LTBP1: variants seen among roughly 807,000 people sequenced by gnomAD.
LTBP1 encodes the protein latent transforming growth factor beta binding protein 1, also known as latent-transforming growth factor beta-binding protein 1.
LTBP1 carries 129 observed loss-of-function variants against 207.6 expected under a neutral mutation model. That is an observed-to-expected ratio of 0.62 (90% CI 0.54 to 0.72). LTBP1 has a LOEUF of 0.72. LTBP1 is among the 30% of genes least tolerant of loss of function. LTBP1 has a pLI of 0.00. For synonymous variants in LTBP1, 963 were observed against 833.7 expected, an observed-to-expected ratio of 1.16 and a Z score of -2.67; for missense variants, 2,281 against 2,217.2, an observed-to-expected ratio of 1.03 and a Z score of -0.58.
At chr2:33,052,338 G>A (rs534938903) in intron 3 of LTBP1, among the ~76,000 whole-genome samples, 1 of 152,300 alleles carries the variant, frequency 6.6e-6, no homozygotes, top group South Asian at 2.1e-4. Flanking sequence ...TTTTAAAATG[G>A]TAAACCAATT....
intron 11 of LTBP1, among the ~76,000 whole-genome samples, chr2:33,256,124 G>A (rs545387135): frequency 6.6e-6 from 1 of 151,524 alleles, no homozygotes; most frequent in East Asian, 1.9e-4. Flanking sequence ...TCTGGCAATG[G>A]TAGTGATTGA....
chr2:33,296,841 T>C (rs1283564207), intron 20 of LTBP1, among the ~76,000 whole-genome samples: 1 of 152,178 alleles, frequency 6.6e-6, no homozygotes, highest in Non-Finnish European at 1.5e-5. Flanking sequence ...ACTTTTCTCA[T>C]CTGCAAATAA....
At chr2:33,192,000 A>T (rs558994921) in intron 7 of LTBP1, among the ~76,000 whole-genome samples, 2 of 152,296 alleles carry the variant, frequency 1.3e-5, no homozygotes, top group African/African-American at 4.8e-5. Flanking sequence ...TGTAGGGTAG[A>T]ATTTCAGAAC....
intron 30 of LTBP1, 83 bp from the exon 31 acceptor site, chr2:33,365,250 T>C: frequency 8.0e-7 from 1 of 1,244,808 alleles, no homozygotes; most frequent in Non-Finnish European, 1.2e-6. Flanking sequence ...AGATGGAAAC[T>C]TTGAGACTTG....
At chr2:33,145,295 G>A (rs1020202910) in intron 5 of LTBP1, among the ~76,000 whole-genome samples, 1 of 152,098 alleles carries the variant, frequency 6.6e-6, no homozygotes, top group African/African-American at 2.4e-5. Context: ...AATACTGAGA[G>A]ATTTCGTTAC....
intron 2 of LTBP1, among the ~76,000 whole-genome samples, chr2:32,992,950 TG>T (rs1684647303): frequency 6.6e-6 from 1 of 151,968 alleles, no homozygotes; most frequent in Admixed American, 6.6e-5. Context: ...TTTAATGTAC[TG>T]GGCAGGAGGA....
At chr2:33,368,555 C>G (rs1303142835) in intron 31 of LTBP1, among the ~76,000 whole-genome samples, 4 of 152,194 alleles carry the variant, frequency 2.6e-5, no homozygotes, top group African/African-American at 7.2e-5. Flanking sequence ...AATAAAAATA[C>G]CAGGCTAAGT....
At chr2:33,187,231 G>A in intron 6 of LTBP1, 151 bp downstream of exon 6, 1 of 641,018 alleles carries the variant, frequency 1.6e-6, no homozygotes, top group Middle Eastern at 4.3e-4. Context: ...GAGACAGAAT[G>A]TGGGCCCAGG....
intron 3 of LTBP1, among the ~76,000 whole-genome samples, chr2:33,056,104 A>G (rs1442273113): frequency 6.6e-6 from 1 of 152,152 alleles, no homozygotes; most frequent in Non-Finnish European, 1.5e-5. Flanking sequence ...CTGCAGGATG[A>G]TAGTATTGTA....
At chr2:33,021,424 A>T (rs219195) in intron 3 of LTBP1, among the ~76,000 whole-genome samples, 18 of 152,046 alleles carry the variant, frequency 1.2e-4, no homozygotes, top group Non-Finnish European at 2.5e-4. Flanking sequence ...AAATTTTACC[A>T]TAAGTACAAC....
chr2:32,960,701 G>C (rs947902111), intron 2 of LTBP1, among the ~76,000 whole-genome samples: 11 of 152,158 alleles, frequency 7.2e-5, no homozygotes, highest in Non-Finnish European at 1.6e-4. Context: ...GAGGTGGGGA[G>C]AGGGCTAAAA....
rs1424492273 is a variant in LTBP1, at chr2:32,999,657, C to T, written c.566-21252C>T. ...CTGTAATCCCAGCACTTTGGGAGGC[C>T]GAGGTGGGCGGATCATGAGGTCAGG... On this transcript the variant is annotated intron_variant, in intron 2 of 33. Coordinates refer to ENST00000404816, the MANE Select transcript of LTBP1 (RefSeq NM_206943.4). Among the ~76,000 whole-genome samples the T allele has an allele frequency of 8.3e-5, 11 of 133,236 alleles. 4 individuals are homozygous for T. Among genetic ancestry groups the T allele is most frequent in the Non-Finnish European group, 1.5e-4 (9 of 60,768 alleles). 87.4% of individuals were successfully genotyped at this position (133,236 alleles called of 152,430 possible). A position where few individuals can be genotyped will look rare whatever the true frequency, so the allele number is the denominator to read the frequency against.
intron 9 of LTBP1, among the ~76,000 whole-genome samples, chr2:33,237,841 G>A (rs957140182): frequency 6.6e-6 from 1 of 152,162 alleles, no homozygotes; most frequent in East Asian, 1.9e-4. Flanking sequence ...GAGCAAGAAG[G>A]CCCTGAGGAA....
Position 33,361,450 on chromosome 2 carries a change from C to T in LTBP1, c.4205C>T (p.Pro1402Leu), listed in dbSNP as rs779366516. 6.2e-7 allele frequency: 1 copy of T among 1,609,132 alleles called. No homozygotes were observed. The highest frequency in any genetic ancestry group is 8.5e-7 in the Non-Finnish European group (1 of 1,177,516). Residue 1402 changes from proline (P) to leucine (L), a missense_variant, in exon 28 of 34, where the codon CCC (proline) becomes CTC (leucine). Transcript: ENST00000404816. ...LGTAEFTEMC[P>L]KGKGFVPAGE... is the part of the protein sequence containing the mutation. ...TCAGCTGAGTTCACTGAAATGTGTC[C>T]CAAAGGGAAAGGTTTTGTGCCTGCT... is the stretch of plus-strand genomic sequence containing the variant.
intron 3 of LTBP1, among the ~76,000 whole-genome samples, chr2:33,063,937 T>G (rs1192401526): frequency 1.3e-5 from 2 of 151,852 alleles, no homozygotes; most frequent in Non-Finnish European, 2.9e-5. Flanking sequence ...CACTGCAACC[T>G]CTGCCTCCCA....
intron 31 of LTBP1, among the ~76,000 whole-genome samples, chr2:33,386,441 C>T (rs144933176): frequency 9.9e-4 from 151 of 152,332 alleles, no homozygotes; most frequent in African/African-American, 3.3e-3. Flanking sequence ...TGGCATTCGA[C>T]ATCCCCGGAC....
chr2:33,115,422 G>T (rs1308942640), intron 4 of LTBP1, among the ~76,000 whole-genome samples: 3 of 152,130 alleles, frequency 2.0e-5, no homozygotes, highest in Non-Finnish European at 4.4e-5. Flanking sequence ...GAATTAGGTG[G>T]TCATGCTGGT....
At chr2:33,334,159 C>G (rs560122700) in intron 24 of LTBP1, among the ~76,000 whole-genome samples, 3 of 152,278 alleles carry the variant, frequency 2.0e-5, no homozygotes, top group African/African-American at 7.2e-5. Context: ...TGAATGAGAA[C>G]TGATGGAGTA....
intron 3 of LTBP1, among the ~76,000 whole-genome samples, chr2:33,095,904 C>T (rs935855834): frequency 3.3e-5 from 5 of 151,954 alleles, no homozygotes; most frequent in Non-Finnish European, 7.4e-5. Flanking sequence ...TGTAATTTAA[C>T]ATATATGTAA....
Sources: allele counts gnomAD v4.1 joint callset (sites outside exome capture counted in the v4.1 genomes callset), GRCh38; gene constraint gnomAD v4.1.1; transcripts MANE v1.5; gene names NCBI Gene and HGNC (gene_info 2026-07-23, HGNC 2026-07-21).